KAZN: variants seen among roughly 807,000 people sequenced by gnomAD.
The protein encoded by KAZN is kazrin, periplakin interacting protein, also known as kazrin.
Under a neutral mutation model 87.4 loss-of-function variants are expected in KAZN, and 40 were observed. That is an observed-to-expected ratio of 0.46 (90% CI 0.36 to 0.60). The LOEUF is 0.60. Ranked by LOEUF, KAZN falls within the 20% of genes least tolerant of loss-of-function variation. The pLI is 0.00. For missense variants in KAZN, 898 were observed against 1,073.9 expected, an observed-to-expected ratio of 0.84 and a Z score of 2.29; for synonymous variants, 466 against 458.3, an observed-to-expected ratio of 1.02 and a Z score of -0.22.
intron 1 of KAZN, among the ~76,000 whole-genome samples, chr1:14,955,302 T>A (rs950472054): frequency 2.0e-5 from 3 of 152,234 alleles, no homozygotes; most frequent in African/African-American, 7.2e-5. Flanking sequence ...ACGCATGTCT[T>A]ATTTATTCCC....
At chr1:14,370,388 C>G (rs994408943) in intron 2 of KAZN, among the ~76,000 whole-genome samples, 4 of 152,190 alleles carry the variant, frequency 2.6e-5, no homozygotes, top group Admixed American at 2.6e-4. Flanking sequence ...GCAAGCTGCT[C>G]AGCCCCTGAG....
intron 1 of KAZN, among the ~76,000 whole-genome samples, chr1:14,015,849 C>T (rs1221599178): frequency 3.3e-5 from 5 of 151,742 alleles, no homozygotes; most frequent in Admixed American, 2.6e-4. Context: ...AAATACTTTG[C>T]CCGAGCCTCA....
intron 1 of KAZN, among the ~76,000 whole-genome samples, chr1:13,903,546 C>T (rs1355709468): frequency 1.4e-4 from 22 of 152,138 alleles, no homozygotes; most frequent in Non-Finnish European, 1.0e-4. Flanking sequence ...GTCATGATGG[C>T]GGCTGAGTGG....
chr1:14,369,842 C>T (rs1660324394), intron 2 of KAZN, among the ~76,000 whole-genome samples: 1 of 152,158 alleles, frequency 6.6e-6, no homozygotes, highest in African/African-American at 2.4e-5. Flanking sequence ...AAGAAGCAAG[C>T]CATTGTTACA....
chr1:14,249,138 T>C (rs747437619), intron 2 of KAZN, among the ~76,000 whole-genome samples: 26 of 152,206 alleles, frequency 1.7e-4, no homozygotes, highest in African/African-American at 5.3e-4. Context: ...CACTCTGCTG[T>C]TTCTAAATTC....
chr1:14,822,314 A>G (rs879800753), intron 1 of KAZN, among the ~76,000 whole-genome samples: 18 of 152,156 alleles, frequency 1.2e-4, no homozygotes, highest in Non-Finnish European at 2.5e-4. Flanking sequence ...GTGTGCATGG[A>G]AGCACTGCGA....
rs1646743556 is a variant in KAZN, at chr1:14,206,295, A to G, written c.249+25703A>G. 2.0e-5 allele frequency among the ~76,000 whole-genome samples: 3 copies of G among 152,222 alleles called. No homozygotes were observed. In the South Asian group the frequency reaches 6.2e-4, roughly 32 times the overall value. On this transcript the variant is annotated intron_variant, in intron 2 of 16. Transcript: ENST00000636203. Reference sequence around the variant, plus strand: ...TTTTTTAAAAAAGAAATATAGATGCATGCAGAACAGAAACAGAATAATTGT... The same window carrying G: ...TTTTTTAAAAAAGAAATATAGATGCGTGCAGAACAGAAACAGAATAATTGT...
chr1:14,815,085 G>A (rs1253367858), intron 1 of KAZN, among the ~76,000 whole-genome samples: 3 of 152,140 alleles, frequency 2.0e-5, no homozygotes, highest in Admixed American at 6.5e-5. Flanking sequence ...CCTCTCTCAC[G>A]CATTTACCAA....
chr1:14,056,274 G>A (rs148518866), intron 1 of KAZN, among the ~76,000 whole-genome samples: 4 of 152,348 alleles, frequency 2.6e-5, no homozygotes, highest in Non-Finnish European at 5.9e-5. Flanking sequence ...ACCTTGAAAT[G>A]AGGAGATTCT....
intron 4 of KAZN, among the ~76,000 whole-genome samples, chr1:15,048,079 G>A (rs1673776929): frequency 6.6e-6 from 1 of 152,228 alleles, no homozygotes; most frequent in Admixed American, 6.5e-5. Flanking sequence ...AGGTATTGGG[G>A]AAAGAGCCCA....
intron 2 of KAZN, among the ~76,000 whole-genome samples, chr1:14,464,946 AC>A (rs58676753): frequency 0.071 from 10,783 of 152,128 alleles, 895 homozygotes; most frequent in African/African-American, 0.2. Flanking sequence ...ATACACAGTG[AC>A]TTCACATAAC....
chr1:13,966,096 C>G (rs867672196), intron 1 of KAZN, among the ~76,000 whole-genome samples: 1 of 152,068 alleles, frequency 6.6e-6, no homozygotes, highest in African/African-American at 2.4e-5. Context: ...CCTGAGCTCT[C>G]CTAAGCCTTT....
chr1:14,407,821 A>G (rs553319505), intron 2 of KAZN, among the ~76,000 whole-genome samples: 10 of 152,206 alleles, frequency 6.6e-5, no homozygotes, highest in Non-Finnish European at 1.5e-4. Context: ...GTAGGTCTTA[A>G]GTTATGAGTG....
At chr1:14,407,525 G>C (rs750987371) in intron 2 of KAZN, among the ~76,000 whole-genome samples, 1 of 152,154 alleles carries the variant, frequency 6.6e-6, no homozygotes, top group Non-Finnish European at 1.5e-5. Flanking sequence ...TAATACCAGA[G>C]TTGCAAGAGA....
chr1:14,884,292 T>C (rs1001878931), intron 1 of KAZN, among the ~76,000 whole-genome samples: 1 of 152,090 alleles, frequency 6.6e-6, no homozygotes, highest in Non-Finnish European at 1.5e-5. Context: ...CTCGGGAGGC[T>C]GAGGCAGGAG....
intron 1 of KAZN, among the ~76,000 whole-genome samples, chr1:13,977,846 G>T (rs1366209383): frequency 2.6e-5 from 4 of 152,198 alleles, no homozygotes; most frequent in African/African-American, 9.6e-5. Flanking sequence ...GGATTCTCTA[G>T]ACTGGGCACG....
chr1:14,055,689 G>A (rs1162096339), intron 1 of KAZN, among the ~76,000 whole-genome samples: 3 of 152,132 alleles, frequency 2.0e-5, no homozygotes, highest in African/African-American at 4.8e-5. Context: ...CTCCACAGAA[G>A]GTAGATTTTC....
rs34783698 is a variant in KAZN at position 14,996,609 on chromosome 1, A to G, written c.418+35734A>G. On this transcript the variant is annotated intron_variant, in intron 2 of 14. Coordinates refer to ENST00000376030, the MANE Select transcript of KAZN (RefSeq NM_201628.3). The surrounding 1 kb of genome is among the most constrained non-coding windows in gnomAD (Gnocchi z 5.9). Reference sequence around the variant, plus strand: ...ATGGCAACGCGTTTCTGCCGCCAGCACCCTCCCACGGGCGTGCAGATCTGA... The same window carrying G: ...ATGGCAACGCGTTTCTGCCGCCAGCGCCCTCCCACGGGCGTGCAGATCTGA... Among the ~76,000 whole-genome samples, 26,509 of 152,044 alleles carry G rather than the reference A, an allele frequency of 0.17. 3,060 individuals are homozygous for G. Among genetic ancestry groups the G allele is most frequent in the Admixed American group, 0.24 (3,627 of 15,270 alleles).
intron 1 of KAZN, among the ~76,000 whole-genome samples, chr1:14,705,040 C>A (rs1250348521): frequency 1.3e-5 from 2 of 152,186 alleles, no homozygotes; most frequent in African/African-American, 2.4e-5. Flanking sequence ...GACCAGGTGG[C>A]AAACCACAGA....
Sources: gnomAD v4.1 joint callset for allele counts (sites outside exome capture counted in the v4.1 genomes callset) on GRCh38, gnomAD v4.1.1 for gene constraint, Gnocchi (gnomAD v3.1) non-coding constraint, MANE v1.5 for transcripts, NCBI Gene and HGNC (gene_info 2026-07-23, HGNC 2026-07-21) for gene names.